FAM107B: variants seen among roughly 807,000 people sequenced by gnomAD.
FAM107B encodes family with sequence similarity 107 member B, also known as protein FAM107B.
In FAM107B, 21 loss-of-function variants were observed where a neutral mutation model predicts 31.5. The ratio of observed to expected loss-of-function variants is 0.67; its 90% CI spans 0.47 to 0.96. The LOEUF (loss-of-function observed/expected upper bound fraction) is 0.96. Ranked by LOEUF, FAM107B falls within the 40% of genes least tolerant of loss-of-function variation. FAM107B has a pLI of 0.00. For synonymous variants in FAM107B, 157 were observed against 141.5 expected (o/e 1.11, Z -0.78); for missense variants, 452 against 377.1 (o/e 1.20, Z -1.64).
chr10:14,666,224 G>C (rs1460555144), intron 2 of FAM107B, among the ~76,000 whole-genome samples: 1 of 152,086 alleles, frequency 6.6e-6, no homozygotes, highest in African/African-American at 2.4e-5. Context: ...CAAGAGACTG[G>C]GTAATTTAAA....
At chr10:14,613,471 C>T (rs1852775275) in intron 2 of FAM107B, among the ~76,000 whole-genome samples, 1 of 152,164 alleles carries the variant, frequency 6.6e-6, no homozygotes, top group Non-Finnish European at 1.5e-5. Context: ...TCAGAACTTC[C>T]TTACTTACCC....
At chr10:14,660,050 G>T (rs764438101) in intron 2 of FAM107B, among the ~76,000 whole-genome samples, 1 of 152,152 alleles carries the variant, frequency 6.6e-6, no homozygotes, top group Non-Finnish European at 1.5e-5. Flanking sequence ...CCGAAAATGT[G>T]CTGGGCTCCA....
intron 2 of FAM107B, chr10:14,542,782 C>A (rs562450480): frequency 6.6e-6 from 1 of 152,214 alleles, no homozygotes; most frequent in Admixed American, 6.5e-5. Flanking sequence ...TAAGATGGCT[C>A]AAAAAAATCC....
chr10:14,695,081 A>T (rs1460514210), intron 1 of FAM107B, among the ~76,000 whole-genome samples: 1 of 152,154 alleles, frequency 6.6e-6, no homozygotes, highest in Non-Finnish European at 1.5e-5. Flanking sequence ...ACCAAGGCCA[A>T]TGTCTAGGAG....
At chr10:14,540,263 G>C (rs1324943603) in intron 2 of FAM107B, among the ~76,000 whole-genome samples, 1 of 152,228 alleles carries the variant, frequency 6.6e-6, no homozygotes, top group Non-Finnish European at 1.5e-5. Context: ...CACTTGGCCT[G>C]TCAGGTGTTT....
chr10:14,765,206 C>T (rs1025164399), intron 1 of FAM107B, among the ~76,000 whole-genome samples: 1 of 152,184 alleles, frequency 6.6e-6, no homozygotes, highest in African/African-American at 2.4e-5. Context: ...ATAAACGGTG[C>T]TTTAAAATTT....
chr10:14,549,201 T>C (rs1240794792), intron 2 of FAM107B, among the ~76,000 whole-genome samples: 1 of 152,212 alleles, frequency 6.6e-6, no homozygotes, highest in Non-Finnish European at 1.5e-5. Flanking sequence ...CTGTGGCATC[T>C]GTTATGGCAG....
At chr10:14,647,571 C>T (rs1853788691) in intron 2 of FAM107B, among the ~76,000 whole-genome samples, 3 of 151,484 alleles carry the variant, frequency 2.0e-5, no homozygotes, top group African/African-American at 7.3e-5. Flanking sequence ...GTAGTCCCAG[C>T]TACTCGGGAG....
In FAM107B at chr10:14,700,827, CAAAAAAAAAAA is replaced by C. The variant is rs1159035034; in HGVS notation, c.412-33147_412-33137del. 3.9e-5 allele frequency among the ~76,000 whole-genome samples: 3 copies of C among 76,020 alleles called. 1 individual carries two copies. Among genetic ancestry groups the C allele is most frequent in the African/African-American group, 1.1e-4 (2 of 18,446 alleles). 49.9% of individuals were successfully genotyped at this position (76,020 alleles called of 152,430 possible). A position where few individuals can be genotyped will look rare whatever the true frequency, so the allele number is the denominator to read the frequency against. On this transcript the variant is annotated intron_variant, in intron 1 of 4. Transcript: ENST00000181796. ...TCACTTGGATGCTGATGGCAAGAGG[CAAAAAAAAAAA>C]AAAAAAAAAAAAAACGCACTAGGGT...
chr10:14,723,818 T>C (rs1262280970), intron 1 of FAM107B: 2 of 756,870 alleles, frequency 2.6e-6, no homozygotes, highest in African/African-American at 1.7e-5. Context: ...CCAGTATACC[T>C]GGAGGACATG....
chr10:14,727,540 G>A (rs955678155), intron 1 of FAM107B, among the ~76,000 whole-genome samples: 2 of 152,240 alleles, frequency 1.3e-5, no homozygotes, highest in Non-Finnish European at 2.9e-5. Flanking sequence ...CCTCCCAGGA[G>A]CAGCTCTCAA....
intron 1 of FAM107B, among the ~76,000 whole-genome samples, chr10:14,715,013 T>C (rs1855749739): frequency 6.6e-6 from 1 of 152,200 alleles, no homozygotes; most frequent in Non-Finnish European, 1.5e-5. Flanking sequence ...CCCATGGTCC[T>C]GTAGTGAAGT....
At chr10:14,702,818 A>G (rs1291416034) in intron 1 of FAM107B, among the ~76,000 whole-genome samples, 4 of 152,164 alleles carry the variant, frequency 2.6e-5, no homozygotes, top group Admixed American at 6.5e-5. Flanking sequence ...AAAGATCAAC[A>G]GACACTGGAA....
chr10:14,741,963 C>T (rs1856450593), intron 1 of FAM107B, among the ~76,000 whole-genome samples: 1 of 152,084 alleles, frequency 6.6e-6, no homozygotes, highest in Non-Finnish European at 1.5e-5. Flanking sequence ...ATCCACCCAC[C>T]TCGGTCTCCC....
chr10:14,673,161 C>A (rs1280971590), intron 1 of FAM107B, among the ~76,000 whole-genome samples: 1 of 152,198 alleles, frequency 6.6e-6, no homozygotes, highest in African/African-American at 2.4e-5. Flanking sequence ...GTTCTTCTAG[C>A]TATTTGAAAA....
chr10:14,613,296 G>A (rs1157868835), intron 2 of FAM107B, among the ~76,000 whole-genome samples: 4 of 152,068 alleles, frequency 2.6e-5, no homozygotes, highest in Admixed American at 2.0e-4. Flanking sequence ...GAATTGAATT[G>A]GCAATTGAAA....
intron 2 of FAM107B, among the ~76,000 whole-genome samples, chr10:14,573,528 A>C (rs1373315021): frequency 6.6e-6 from 1 of 150,448 alleles, no homozygotes; most frequent in Admixed American, 6.7e-5. Context: ...GGAGCTCAAG[A>C]TCAGCCTAGA....
intron 2 of FAM107B, among the ~76,000 whole-genome samples, chr10:14,578,914 C>G (rs1851546707): frequency 6.6e-6 from 1 of 152,102 alleles, no homozygotes; most frequent in Non-Finnish European, 1.5e-5. Flanking sequence ...ATCAGGGTCT[C>G]CAAAAAGTAT....
rs150466171 is a variant in FAM107B, at chr10:14,551,933, G to A, written c.470-21418C>T. Among the ~76,000 whole-genome samples the A allele has an allele frequency of 4.7e-4, 72 of 152,168 alleles. No homozygotes were observed. In the East Asian group the frequency reaches 0.011, roughly 23 times the overall value. On this transcript the variant is annotated intron_variant, in intron 2 of 4. Coordinates refer to ENST00000181796, the MANE Select transcript of FAM107B (RefSeq NM_031453.4). ...GCTTTTCATATTTCAACCCTACAGC[G>A]GTTGGACTGTGCTTCCTGTCTACTT... is the stretch of plus-strand genomic sequence containing the variant.
Sources: allele counts gnomAD v4.1 joint callset (sites outside exome capture counted in the v4.1 genomes callset), GRCh38; gene constraint gnomAD v4.1.1; transcripts MANE v1.5; gene names NCBI Gene and HGNC (gene_info 2026-07-23, HGNC 2026-07-21).